Variants in ZNF385D observed in about 807,000 individuals in gnomAD.
The protein encoded by ZNF385D is zinc finger protein 385D, also known as zinc finger protein 659.
ZNF385D carries 15 observed loss-of-function variants against 35.8 expected under a neutral mutation model. The observed-to-expected ratio is 0.42, with a 90% CI of 0.28 to 0.64. The LOEUF (loss-of-function observed/expected upper bound fraction) is 0.64, where lower values mean the gene tolerates loss of function less well. ZNF385D is among the 30% of genes least tolerant of loss of function. The pLI is 0.23. For synonymous variants in ZNF385D, 212 were observed against 186.8 expected (o/e 1.13, Z -1.10); for missense variants, 474 against 494.6 (o/e 0.96, Z 0.39).
At chr3:22,041,817 TG>T (rs1698681582) in intron 3 of ZNF385D, among the ~76,000 whole-genome samples, 1 of 152,074 alleles carries the variant, frequency 6.6e-6, no homozygotes, top group African/African-American at 2.4e-5. Context: ...ACTTAAGGAA[TG>T]GTTGAAAAAA....
chr3:21,621,407 C>G (rs2065001792), intron 2 of ZNF385D, among the ~76,000 whole-genome samples: 1 of 151,984 alleles, frequency 6.6e-6, no homozygotes, highest in Non-Finnish European at 1.5e-5. Context: ...TAAAGCATAC[C>G]TTAGTAGCAG....
chr3:21,814,481 G>A (rs12497316), intron 3 of ZNF385D, among the ~76,000 whole-genome samples: 27,886 of 152,086 alleles, frequency 0.18, 2,655 homozygotes, highest in Non-Finnish European at 0.2. Context: ...ATAAAGGGAT[G>A]GAGGAAGATC....
intron 2 of ZNF385D, among the ~76,000 whole-genome samples, chr3:22,215,622 T>C (rs1697827047): frequency 6.6e-6 from 1 of 152,066 alleles, no homozygotes; most frequent in African/African-American, 2.4e-5. Flanking sequence ...TGAAAATACT[T>C]GCCCGAAACT....
In ZNF385D at chr3:21,935,011, T is replaced by C. The variant is rs1432849892; in HGVS notation, c.325+233806A>G. 2.6e-5 allele frequency among the ~76,000 whole-genome samples: 4 copies of C among 152,202 alleles called. No individual in the cohort carries two copies. The East Asian group carries it at 5.8e-4, about 22-fold the overall frequency. ...TCTGTGTCCAGTGGTACTTAGTGCA[T>C]TGGTAGCTCTTAGTTGCATGTTGCT... On this transcript the variant is annotated intron_variant, in intron 3 of 5. Coordinates refer to the ZNF385D transcript ENST00000494108.
At chr3:21,798,541 A>G (rs1242936226) in intron 3 of ZNF385D, among the ~76,000 whole-genome samples, 1 of 151,914 alleles carries the variant, frequency 6.6e-6, no homozygotes, top group African/African-American at 2.4e-5. Context: ...TGTCTCTTCA[A>G]TTGGCTCATC....
intron 2 of ZNF385D, among the ~76,000 whole-genome samples, chr3:21,580,910 C>T (rs1041468429): frequency 1.3e-5 from 2 of 152,052 alleles, no homozygotes; most frequent in African/African-American, 4.8e-5. Flanking sequence ...TGTTATTTGG[C>T]ATTCCTCAAT....
At chr3:22,130,588 A>G (rs569296348) in intron 3 of ZNF385D, among the ~76,000 whole-genome samples, 4 of 152,238 alleles carry the variant, frequency 2.6e-5, no homozygotes, top group African/African-American at 4.8e-5. Flanking sequence ...CTGAGTTCCA[A>G]TGCAAACTTC....
intron 3 of ZNF385D, among the ~76,000 whole-genome samples, chr3:22,064,711 T>A (rs987258932): frequency 8.5e-5 from 13 of 152,140 alleles, no homozygotes; most frequent in Non-Finnish European, 1.5e-4. Context: ...TGACATGATC[T>A]CACGTATACA....
At chr3:21,725,884 T>A (rs1172530077) in intron 1 of ZNF385D, among the ~76,000 whole-genome samples, 1 of 151,622 alleles carries the variant, frequency 6.6e-6, no homozygotes, top group Non-Finnish European at 1.5e-5. Context: ...ACAAAAAAAA[T>A]TTCAGGCCAA....
chr3:22,185,384 T>C (rs977168154), intron 2 of ZNF385D, among the ~76,000 whole-genome samples: 2 of 152,222 alleles, frequency 1.3e-5, no homozygotes, highest in Non-Finnish European at 2.9e-5. Context: ...ACTACAATTT[T>C]ATGCGCAAAA....
At chr3:21,644,021 A>G (rs2065680935) in intron 2 of ZNF385D, among the ~76,000 whole-genome samples, 1 of 152,142 alleles carries the variant, frequency 6.6e-6, no homozygotes, top group Admixed American at 6.6e-5. Flanking sequence ...GCCCCTTGAC[A>G]TTTTTAAAGC....
chr3:22,070,638 C>T (rs898083507), intron 3 of ZNF385D, among the ~76,000 whole-genome samples: 17 of 151,684 alleles, frequency 1.1e-4, no homozygotes, highest in Admixed American at 2.0e-4. Flanking sequence ...TATAGTAAGT[C>T]CAGGGTAGAG....
intron 3 of ZNF385D, among the ~76,000 whole-genome samples, chr3:21,954,094 A>G (rs927696142): frequency 2.0e-5 from 3 of 151,934 alleles, no homozygotes; most frequent in African/African-American, 4.8e-5. Context: ...GCTGCCCTCC[A>G]TCCCCATTTG....
intron 3 of ZNF385D, among the ~76,000 whole-genome samples, chr3:22,135,793 T>C (rs1704063434): frequency 6.6e-6 from 1 of 152,130 alleles, no homozygotes; most frequent in Non-Finnish European, 1.5e-5. Context: ...CACAGACCAA[T>C]ATAACAGAAG....
intron 3 of ZNF385D, among the ~76,000 whole-genome samples, chr3:21,964,412 T>TAAA (rs60635259): frequency 0.039 from 2,791 of 71,150 alleles, 167 homozygotes; most frequent in Non-Finnish European, 0.056. Context: ...GTCCTTTTTG[T>TAAA]AAAAAAAAAA....
intron 3 of ZNF385D, among the ~76,000 whole-genome samples, chr3:21,512,846 G>A (rs780066482): frequency 6.6e-6 from 1 of 152,050 alleles, no homozygotes; most frequent in African/African-American, 2.4e-5. Flanking sequence ...ATTTGAGAAC[G>A]ATATGCTATA....
At chr3:21,528,480 C>T (rs777116376) in intron 3 of ZNF385D, among the ~76,000 whole-genome samples, 1 of 151,594 alleles carries the variant, frequency 6.6e-6, no homozygotes, top group Non-Finnish European at 1.5e-5. Flanking sequence ...GATTTCCTGG[C>T]TCTTTCCTTT....
chr3:21,674,709 C>T (rs1408351402), intron 1 of ZNF385D, among the ~76,000 whole-genome samples: 1 of 152,108 alleles, frequency 6.6e-6, no homozygotes. Context: ...AGATCACTCC[C>T]TGGTGCCCTG....
chr3:21,702,230 C>T (rs959973847), intron 1 of ZNF385D, among the ~76,000 whole-genome samples: 3 of 152,196 alleles, frequency 2.0e-5, no homozygotes, highest in Non-Finnish European at 4.4e-5. Flanking sequence ...GATTCCCAAA[C>T]CTCAATTCTG....
Sources: allele counts gnomAD v4.1 joint callset (sites outside exome capture counted in the v4.1 genomes callset), GRCh38; gene constraint gnomAD v4.1.1; transcripts MANE v1.5; gene names NCBI Gene and HGNC (gene_info 2026-07-23, HGNC 2026-07-21).